Variants in LPP observed in about 807,000 individuals in gnomAD.
The protein encoded by LPP is lipoma-preferred partner.
Under a neutral mutation model 60.4 loss-of-function variants are expected in LPP, and 38 were observed. The ratio of observed to expected loss-of-function variants is 0.63; its 90% CI spans 0.49 to 0.83. LPP has a LOEUF of 0.83. Among genes scored for constraint, LPP ranks in the 40% least tolerant of loss-of-function variants. The probability of loss-of-function intolerance (pLI) is 0.00; values close to 1 mark genes in which losing one functional copy is unlikely to be tolerated. For synonymous variants in LPP, 328 were observed against 290.8 expected (o/e 1.13, Z -1.30); for missense variants, 902 against 783.6 (o/e 1.15, Z -1.80).
At chr3:188,240,265 G>A (rs536994189) in intron 2 of LPP, 6 of 172,460 alleles carry the variant, frequency 3.5e-5, no homozygotes, top group South Asian at 2.0e-4. Flanking sequence ...AGTAGTGAGG[G>A]GGAACATGGG....
chr3:188,491,751 A>G (rs574802851), intron 5 of LPP, among the ~76,000 whole-genome samples: 111 of 152,296 alleles, frequency 7.3e-4, no homozygotes, highest in African/African-American at 2.6e-3. Flanking sequence ...TTTGCTCTTA[A>G]TCATCATCTG....
chr3:188,329,389 T>C (rs1578137007), intron 2 of LPP, among the ~76,000 whole-genome samples: 1 of 152,362 alleles, frequency 6.6e-6, no homozygotes, highest in East Asian at 1.9e-4. Flanking sequence ...AGTTTGTATA[T>C]CTTTTATCTG....
intron 4 of LPP, among the ~76,000 whole-genome samples, chr3:188,408,587 G>A (rs568969208): frequency 2.0e-5 from 3 of 152,120 alleles, no homozygotes; most frequent in Admixed American, 1.3e-4. Flanking sequence ...AGAATTAATC[G>A]CTCCCTTTCC....
At position 188,694,710 on chromosome 3, in the gene LPP, AT is replaced by A. The variant is rs201304879; in HGVS notation, c.1114-13556del. On this transcript the variant is annotated intron_variant, in intron 7 of 11. Transcript: ENST00000617246. ...GAAACTCCATCTCAAAAAAAAAAAA[AT>A]AAATAAAAACTAAAAAACAACCATG... 9.8e-4 allele frequency among the ~76,000 whole-genome samples: 146 copies of A among 149,160 alleles called. 2 individuals carry two copies. The highest frequency in any genetic ancestry group is 1.9e-3 in the South Asian group (9 of 4,782).
chr3:188,785,702 C>A (rs1298255726), intron 9 of LPP, among the ~76,000 whole-genome samples: 1 of 151,518 alleles, frequency 6.6e-6, no homozygotes, highest in Non-Finnish European at 1.5e-5. Flanking sequence ...CGTATGACTT[C>A]TTTTCCTCTG....
intron 6 of LPP, among the ~76,000 whole-genome samples, chr3:188,574,106 C>T (rs1020634475): frequency 1.3e-5 from 2 of 152,084 alleles, no homozygotes; most frequent in African/African-American, 4.8e-5. Context: ...CCCACCAGGC[C>T]AAGAAGCAGC....
chr3:188,205,417 G>A (rs1236158180), intron 1 of LPP, among the ~76,000 whole-genome samples: 3 of 151,662 alleles, frequency 2.0e-5, no homozygotes, highest in Non-Finnish European at 4.4e-5. Context: ...AAGTAGCTGG[G>A]ATTACAGGTG....
At chr3:188,679,779 T>G (rs1295041296) in intron 7 of LPP, among the ~76,000 whole-genome samples, 1 of 152,190 alleles carries the variant, frequency 6.6e-6, no homozygotes, top group Non-Finnish European at 1.5e-5. Context: ...TTTTCTTTTT[T>G]CTTATGGGGC....
chr3:188,382,993 A>T (rs1460728328), intron 3 of LPP, among the ~76,000 whole-genome samples: 1 of 152,216 alleles, frequency 6.6e-6, no homozygotes, highest in Non-Finnish European at 1.5e-5. Flanking sequence ...ACTGCCTCAT[A>T]GAAAAGTAAG....
At chr3:188,339,807 G>A (rs1313878897) in intron 2 of LPP, among the ~76,000 whole-genome samples, 2 of 152,200 alleles carry the variant, frequency 1.3e-5, no homozygotes, top group Admixed American at 6.5e-5. Context: ...GTACAGACTT[G>A]CGTATATGGC....
chr3:188,262,373 T>G (rs1733970206), intron 2 of LPP, among the ~76,000 whole-genome samples: 1 of 152,080 alleles, frequency 6.6e-6, no homozygotes, highest in Non-Finnish European at 1.5e-5. Context: ...ATGTATAGGT[T>G]TTCAATATAC....
At position 188,563,833 on chromosome 3, in the gene LPP, G is replaced by C. The variant is rs1456871421; in HGVS notation, c.429+39046G>C. Among the ~76,000 whole-genome samples the C allele has an allele frequency of 4.0e-5, 6 of 150,654 alleles. No individual in the cohort carries two copies. In the East Asian group the frequency reaches 1.2e-3, roughly 30 times the overall value. On this transcript the variant is annotated intron_variant, in intron 6 of 11. Transcript: ENST00000617246. ...TGTTATCGACCTGGGTTTCCACTTA[G>C]TTGCTTGGGGATGTGTTGTTCAGAC...
At chr3:188,169,304 G>A (rs1353207442) in intron 1 of LPP, among the ~76,000 whole-genome samples, 1 of 152,194 alleles carries the variant, frequency 6.6e-6, no homozygotes. Context: ...AGAGGATTGG[G>A]TTTAGTTTAT....
At chr3:188,835,402 G>A (rs1445669804) in intron 9 of LPP, among the ~76,000 whole-genome samples, 2 of 151,570 alleles carry the variant, frequency 1.3e-5, no homozygotes, top group African/African-American at 2.4e-5. Flanking sequence ...TGAGGCGGGC[G>A]GATCACTTGA....
Position 188,718,102 on chromosome 3 carries a change from G to A in LPP, c.1240+9709G>A, listed in dbSNP as rs538399467. On this transcript the variant is annotated intron_variant, in intron 8 of 11. Transcript: ENST00000617246. ...TCCCAAAAGTGCTGGGATTACAGGCGTGAGCCACTGCACCCGGCCTGGCTA... is the reference window on the plus strand; with the variant it reads ...TCCCAAAAGTGCTGGGATTACAGGCATGAGCCACTGCACCCGGCCTGGCTA... Among the ~76,000 whole-genome samples the A allele has an allele frequency of 1.2e-4, 18 of 152,312 alleles. No individual in the cohort carries two copies. The South Asian group carries it at 2.3e-3, about 19-fold the overall frequency.
At chr3:188,755,809 C>CAAAAAAAAAAAAAA (rs58696911) in intron 8 of LPP, among the ~76,000 whole-genome samples, 4 of 73,982 alleles carry the variant, frequency 5.4e-5, no homozygotes, top group Non-Finnish European at 1.1e-4. Flanking sequence ...GATCCTGTCA[C>CAAAAAAAAAAAAAA]AAAAAAAAAA....
chr3:188,197,154 GA>G (rs1364457237), intron 1 of LPP, among the ~76,000 whole-genome samples: 4 of 152,184 alleles, frequency 2.6e-5, no homozygotes, highest in Non-Finnish European at 5.9e-5. Flanking sequence ...GCCAGGTAGG[GA>G]TGGGAGCATG....
At chr3:188,828,640 A>AAAAAAAAAAAG (rs1756306374) in intron 9 of LPP, among the ~76,000 whole-genome samples, 1 of 146,976 alleles carries the variant, frequency 6.8e-6, no homozygotes, top group Non-Finnish European at 1.5e-5. Context: ...AAAAAAAAAA[A>AAAAAAAAAAAG]CTCAGCTGCA....
rs1260420093 is a variant in LPP at position 188,524,965 on chromosome 3, CTTTCTCTT to C, written c.429+182_429+189del. The stretch of plus-strand genomic sequence containing the variant: ...CTTCCTTCCTCTCTCTCTCTTCTTT[CTTTCTCTT>C]TTTTTTTTTTTTTGATGGAGTCTTG... On this transcript the variant is annotated intron_variant, in intron 6 of 11. Transcript: ENST00000617246. Among the ~76,000 whole-genome samples the C allele has an allele frequency of 2.7e-3, 320 of 116,714 alleles. 4 individuals are homozygous for C. Among genetic ancestry groups the C allele is most frequent in the African/African-American group, 9.9e-3 (307 of 31,078 alleles). 76.6% of individuals were successfully genotyped at this position (116,714 alleles called of 152,430 possible).
Sources: allele counts gnomAD v4.1 joint callset (sites outside exome capture counted in the v4.1 genomes callset), GRCh38; gene constraint gnomAD v4.1.1; transcripts MANE v1.5; gene names NCBI Gene and HGNC (gene_info 2026-07-23, HGNC 2026-07-21).